ERC1: variants seen among roughly 807,000 people sequenced by gnomAD.
ERC1 encodes the protein RAB6 interacting protein 2.
A neutral mutation model predicts 132.0 loss-of-function variants in ERC1; 56 were observed. That is an observed-to-expected ratio of 0.42 (90% CI 0.34 to 0.53). ERC1 has a LOEUF of 0.53. Ranked by LOEUF, ERC1 falls within the 20% of genes least tolerant of loss-of-function variation. ERC1 has a pLI of 0.03. For synonymous variants in ERC1, 478 were observed against 476.1 expected (o/e 1.00, Z -0.05); for missense variants, 1,202 against 1,349.9 (o/e 0.89, Z 1.72).
chr12:1,485,354 G>A (rs183605101), intron 18 of ERC1, among the ~76,000 whole-genome samples: 12 of 151,660 alleles, frequency 7.9e-5, no homozygotes, highest in Admixed American at 2.6e-4. Context: ...ATAGGCGCCC[G>A]CCACCACGCC....
intron 13 of ERC1, among the ~76,000 whole-genome samples, chr12:1,255,307 G>A (rs1015677591): frequency 6.6e-6 from 1 of 152,100 alleles, no homozygotes; most frequent in East Asian, 1.9e-4. Context: ...AGTATTCCAT[G>A]GTATATATGT....
Position 1,090,896 on chromosome 12 carries a change from ATTAT to A in ERC1, c.1086+7318_1086+7321del, listed in dbSNP as rs1565941761. Among the ~76,000 whole-genome samples the A allele has an allele frequency of 1.4e-3, 14 of 10,248 alleles. 4 individuals are homozygous for A. The highest frequency in any genetic ancestry group is 2.5e-3 in the African/African-American group (14 of 5,672). The allele number at this position is 10,248 out of a possible 152,430, so 6.7% of individuals were successfully genotyped here. ...TATTATTATTATTATTATTATTATT[ATTAT>A]TATTATTATTATCATTTGTGACAGA... is the stretch of plus-strand genomic sequence containing the variant. On this transcript the variant is annotated intron_variant, in intron 3 of 18. Transcript: ENST00000360905.
At chr12:1,177,822 C>T (rs926321089) in intron 8 of ERC1, among the ~76,000 whole-genome samples, 9 of 152,142 alleles carry the variant, frequency 5.9e-5, no homozygotes, top group East Asian at 1.9e-4. Context: ...GTAAAAAACC[C>T]GTATCTGTGA....
intron 1 of ERC1, among the ~76,000 whole-genome samples, chr12:1,000,213 A>G (rs1056365024): frequency 4.3e-4 from 66 of 152,112 alleles, no homozygotes; most frequent in South Asian, 2.1e-4. Flanking sequence ...GGCCAGGCAC[A>G]GTGGCTCACG....
chr12:1,454,952 C>T (rs948256135), intron 18 of ERC1, among the ~76,000 whole-genome samples: 4 of 152,086 alleles, frequency 2.6e-5, no homozygotes, highest in Non-Finnish European at 4.4e-5. Context: ...ATTCTTAGAC[C>T]ATTTTTTTAG....
chr12:1,317,573 A>G (rs1446188153), intron 15 of ERC1, among the ~76,000 whole-genome samples: 2 of 152,084 alleles, frequency 1.3e-5, no homozygotes, highest in Non-Finnish European at 2.9e-5. Context: ...AAATCCAAAA[A>G]AAAATTGCTG....
chr12:1,212,475 AT>A (rs1440959203), intron 12 of ERC1, among the ~76,000 whole-genome samples: 1 of 152,106 alleles, frequency 6.6e-6, no homozygotes, highest in Admixed American at 6.6e-5. Flanking sequence ...CACTTGTTAT[AT>A]ACTGTATTTC....
chr12:1,448,001 T>C (rs1327544255), intron 18 of ERC1, among the ~76,000 whole-genome samples: 1 of 152,130 alleles, frequency 6.6e-6, no homozygotes, highest in African/African-American at 2.4e-5. Flanking sequence ...GTATTTTCAA[T>C]ATGCCTAGAT....
intron 14 of ERC1, among the ~76,000 whole-genome samples, chr12:1,269,586 C>G (rs945381663): frequency 2.0e-5 from 3 of 152,048 alleles, no homozygotes; most frequent in African/African-American, 7.2e-5. Context: ...AAAGATCATT[C>G]TGGGTGTTGG....
At chr12:1,009,289 C>T (rs1370848825) in intron 1 of ERC1, among the ~76,000 whole-genome samples, 4 of 152,070 alleles carry the variant, frequency 2.6e-5, no homozygotes, top group Admixed American at 6.5e-5. Context: ...ATTCTCCTGC[C>T]TCAGCCTCCC....
chr12:1,444,556 C>T lies in ERC1; in HGVS notation c.3025-6C>T. 1.3e-6 allele frequency: 2 copies of T among 1,581,556 alleles called. No homozygotes were observed. Among genetic ancestry groups the T allele is most frequent in the South Asian group, 1.1e-5 (1 of 87,064 alleles). On this transcript the variant is annotated splice_region_variant and splice_polypyrimidine_tract_variant and intron_variant, in intron 17 of 18. Coordinates refer to ENST00000360905, the MANE Select transcript of ERC1 (RefSeq NM_178040.4). Reference sequence around the variant, plus strand: ...TATTTTATTTTATTTTATTTTTTTGCCTTAGATCATCCAGCCCCTCTTAGA... The same window carrying T: ...TATTTTATTTTATTTTATTTTTTTGTCTTAGATCATCCAGCCCCTCTTAGA...
intron 18 of ERC1, among the ~76,000 whole-genome samples, chr12:1,484,663 C>T (rs1198724218): frequency 6.0e-5 from 9 of 150,936 alleles, no homozygotes; most frequent in South Asian, 2.1e-4. Flanking sequence ...CTGTAAGCTC[C>T]GCCTCCCGGG....
chr12:1,417,435 CTT>C (rs748237380), intron 17 of ERC1, among the ~76,000 whole-genome samples: 2 of 145,052 alleles, frequency 1.4e-5, no homozygotes, highest in Admixed American at 6.9e-5. Flanking sequence ...ACTGCTGCTG[CTT>C]TTTTTTTTTT....
chr12:1,326,070 G>T (rs529590794), intron 15 of ERC1, among the ~76,000 whole-genome samples: 1 of 152,084 alleles, frequency 6.6e-6, no homozygotes, highest in Non-Finnish European at 1.5e-5. Flanking sequence ...TAAGTTAGTC[G>T]TCATCCTGGA....
At chr12:1,039,355 A>AAAAAT (rs1969767645) in intron 2 of ERC1, among the ~76,000 whole-genome samples, 1 of 147,354 alleles carries the variant, frequency 6.8e-6, no homozygotes, top group Non-Finnish European at 1.5e-5. Context: ...AAAAAAAATA[A>AAAAAT]AAATAAATAA....
chr12:1,053,942 T>C (rs766198274), intron 2 of ERC1, among the ~76,000 whole-genome samples: 1 of 152,226 alleles, frequency 6.6e-6, no homozygotes, highest in Non-Finnish European at 1.5e-5. Context: ...GAGTGTGATC[T>C]TTAAGCTAGC....
chr12:1,249,037 C>A (rs1437313977), intron 13 of ERC1, among the ~76,000 whole-genome samples: 1 of 152,060 alleles, frequency 6.6e-6, no homozygotes, highest in Non-Finnish European at 1.5e-5. Context: ...GGTGTGCCAC[C>A]ACACCTGGCT....
chr12:1,263,042 C>T lies in ERC1; in HGVS notation c.2496C>T (p.Leu832=). 6.2e-7 allele frequency: 1 copy of T among 1,613,914 alleles called. No individual in the cohort carries two copies. The highest frequency in any genetic ancestry group is 2.2e-5 in the East Asian group (1 of 44,856). ...NDSSQQLQDS[L]RKKDDRIEEL... ...CTTCCATCATTTTCTAGGACAGTCT[C>T]CGTAAGAAGGATGACAGGATTGAAG... The change falls in exon 14 of 19, where the codon CTC becomes CTT. Residue 832 remains leucine (L), a synonymous_variant. Transcript: ENST00000360905.
chr12:1,170,498 C>T (rs923359846), intron 8 of ERC1, among the ~76,000 whole-genome samples: 11 of 152,122 alleles, frequency 7.2e-5, no homozygotes, highest in Admixed American at 2.0e-4. Flanking sequence ...GAATTGAGGG[C>T]CTCAGTGAAA....
Sources: allele counts gnomAD v4.1 joint callset (sites outside exome capture counted in the v4.1 genomes callset), GRCh38; gene constraint gnomAD v4.1.1; transcripts MANE v1.5; gene names NCBI Gene and HGNC (gene_info 2026-07-23, HGNC 2026-07-21).